Variants in SPMIP9 observed in about 807,000 individuals in gnomAD.
The protein encoded by SPMIP9 is sperm microtubule inner protein 9, also known as protein SPMIP9.
chr2:88,529,483 A>C, the SPMIP9 span: 1 of 1,604,162 alleles, frequency 6.2e-7, no homozygotes, highest in South Asian at 1.1e-5. Context: ...AGGAAGGATG[A>C]AAATACCTTC....
the SPMIP9 span, chr2:88,525,561 T>C: frequency 6.4e-7 from 1 of 1,552,872 alleles, no homozygotes; most frequent in East Asian, 2.2e-5. Flanking sequence ...CATGCTTGGT[T>C]GGCACAGCTT....
At chr2:88,524,796 A>AG in the SPMIP9 span, 2 of 152,120 alleles carry the variant, frequency 1.3e-5, no homozygotes, top group Non-Finnish European at 2.9e-5. Flanking sequence ...AGCAAAAGGG[A>AG]GGGGATACAG....
chr2:88,528,401 G>C, the SPMIP9 span, among the ~76,000 whole-genome samples: 2 of 152,160 alleles, frequency 1.3e-5, no homozygotes, highest in African/African-American at 4.8e-5. Flanking sequence ...GCCTCCCAAA[G>C]TGCTGGGATT....
At chr2:88,525,891 T>C in the SPMIP9 span, among the ~76,000 whole-genome samples, 2 of 151,674 alleles carry the variant, frequency 1.3e-5, no homozygotes, top group Non-Finnish European at 2.9e-5. Flanking sequence ...CATGCACTTA[T>C]TAGGCACCCA....
chr2:88,527,689 T>C, the SPMIP9 span, among the ~76,000 whole-genome samples: 1 of 152,198 alleles, frequency 6.6e-6, no homozygotes, highest in African/African-American at 2.4e-5. Context: ...TTGGTGGACA[T>C]TTGGGTGCTT....
At chr2:88,528,839 G>A in the SPMIP9 span, among the ~76,000 whole-genome samples, 1 of 152,194 alleles carries the variant, frequency 6.6e-6, no homozygotes, top group African/African-American at 2.4e-5. Flanking sequence ...GGGAACCAAG[G>A]GAGGAGGAGA....
chr2:88,529,090 T>C, the SPMIP9 span: 2 of 1,613,994 alleles, frequency 1.2e-6, no homozygotes, highest in Non-Finnish European at 1.7e-6. Flanking sequence ...ACAAAGAGTT[T>C]TACAGGCCCA....
At chr2:88,529,269 C>A in the SPMIP9 span, 2 of 1,614,148 alleles carry the variant, frequency 1.2e-6, no homozygotes, top group South Asian at 2.2e-5. Context: ...TATCCAGCTT[C>A]CCACGATCTG....
At chr2:88,528,275 T>C in the SPMIP9 span, among the ~76,000 whole-genome samples, 3 of 150,762 alleles carry the variant, frequency 2.0e-5, no homozygotes, top group African/African-American at 5.0e-5. Flanking sequence ...GTAGCTGGGA[T>C]TACAGGCATG....
At chr2:88,529,585 A>G in the SPMIP9 span, 1 of 1,005,470 alleles carries the variant, frequency 9.9e-7, no homozygotes. Flanking sequence ...TTCCAACTGC[A>G]CTGGGACCCT....
the SPMIP9 span, among the ~76,000 whole-genome samples, chr2:88,528,410 T>TTAC: frequency 2.0e-5 from 3 of 152,224 alleles, no homozygotes; most frequent in Admixed American, 2.0e-4. Flanking sequence ...AGTGCTGGGA[T>TTAC]TACAGGCGTA....
the SPMIP9 span, chr2:88,529,274 G>T: frequency 1.2e-6 from 2 of 1,613,976 alleles, no homozygotes; most frequent in African/African-American, 2.7e-5. Context: ...AGCTTCCCAC[G>T]ATCTGCACCT....
At chr2:88,526,825 C>T in the SPMIP9 span, among the ~76,000 whole-genome samples, 2 of 151,996 alleles carry the variant, frequency 1.3e-5, no homozygotes, top group Admixed American at 6.6e-5. Context: ...CCTGCCACTG[C>T]GTCAGCTAAT....
At chr2:88,529,239 C>G in the SPMIP9 span, 7 of 1,614,058 alleles carry the variant, frequency 4.3e-6, no homozygotes, top group Non-Finnish European at 5.1e-6. Flanking sequence ...CGCAAGTTCA[C>G]CAGCACCTGC....
the SPMIP9 span, among the ~76,000 whole-genome samples, chr2:88,526,188 C>T: frequency 6.6e-6 from 1 of 152,082 alleles, no homozygotes; most frequent in Non-Finnish European, 1.5e-5. Context: ...GGAAAGAGCA[C>T]ATGCCAGGCC....
chr2:88,526,573 A>G, the SPMIP9 span: 43 of 1,172,918 alleles, frequency 3.7e-5, no homozygotes, highest in African/African-American at 5.9e-4. Context: ...TTGTATTACA[A>G]ATGTGGACAT....
chr2:88,529,453 C>T, the SPMIP9 span: 4 of 1,612,636 alleles, frequency 2.5e-6, no homozygotes, highest in Non-Finnish European at 3.4e-6. Context: ...GGTGGGGACC[C>T]TTGATGCCAT....
the SPMIP9 span, among the ~76,000 whole-genome samples, chr2:88,526,728 G>A: frequency 6.6e-6 from 1 of 151,942 alleles, no homozygotes; most frequent in South Asian, 2.1e-4. Context: ...GCAGTGGCGC[G>A]ATCTCGGCTC....
At chr2:88,529,024 T>C in the SPMIP9 span, 1 of 1,591,894 alleles carries the variant, frequency 6.3e-7, no homozygotes, top group Non-Finnish European at 8.6e-7. Flanking sequence ...CTCTCACCCC[T>C]CCATTCATGT....
Sources: gnomAD v4.1 joint callset for allele counts (sites outside exome capture counted in the v4.1 genomes callset) on GRCh38, gnomAD v4.1.1 for gene constraint, MANE v1.5 for transcripts, NCBI Gene and HGNC (gene_info 2026-07-23, HGNC 2026-07-21) for gene names.